The following PCSK5 variants were observed in gnomAD, a reference collection of about 807,000 sequenced individuals.
PCSK5 encodes the protein prohormone convertase 5.
In PCSK5, 129 loss-of-function variants were observed where a neutral mutation model predicts 233.2. The observed-to-expected ratio is 0.55, with a 90% confidence interval of 0.48 to 0.64. The LOEUF (loss-of-function observed/expected upper bound fraction) is 0.64, where lower values mean the gene tolerates loss of function less well. PCSK5 is among the 30% of genes least tolerant of loss of function. The pLI is 0.00. For missense variants in PCSK5, 2,076 were observed against 2,430.1 expected (o/e 0.85, Z 3.06); for synonymous variants, 825 against 879.2 (o/e 0.94, Z 1.09).
chr9:76,050,878 A>G (rs78876706), intron 5 of PCSK5, among the ~76,000 whole-genome samples: 6,763 of 147,968 alleles, frequency 0.046, 347 homozygotes, highest in East Asian at 0.26. Flanking sequence ...TCCCAGAACA[A>G]TTTTCTGCTC....
chr9:76,354,295 G>C (rs1192316576), intron 37 of PCSK5, 76 bp downstream of exon 37: 36 of 1,200,650 alleles, frequency 3.0e-5, no homozygotes, highest in Non-Finnish European at 4.6e-6. Flanking sequence ...GGGAGGGGGG[G>C]ATGGAAAGTT....
At chr9:76,215,946 T>TA (rs1461536582) in intron 20 of PCSK5, among the ~76,000 whole-genome samples, 1 of 118,450 alleles carries the variant, frequency 8.4e-6, no homozygotes, top group East Asian at 2.2e-4. Context: ...CTAAAAAAAT[T>TA]AAAAATTAAA....
At chr9:76,357,186 C>G (rs1830323366) in intron 37 of PCSK5, among the ~76,000 whole-genome samples, 1 of 152,180 alleles carries the variant, frequency 6.6e-6, no homozygotes, top group South Asian at 2.1e-4. Flanking sequence ...ATCAAGGCAT[C>G]AAAACAGAGG....
intron 20 of PCSK5, among the ~76,000 whole-genome samples, chr9:76,204,786 C>A (rs542022742): frequency 1.3e-5 from 2 of 152,056 alleles, no homozygotes; most frequent in Admixed American, 1.3e-4. Context: ...ATAAAAATAC[C>A]GTGGCACAGT....
intron 8 of PCSK5, among the ~76,000 whole-genome samples, chr9:76,103,674 A>G (rs894434981): frequency 2.0e-5 from 3 of 152,194 alleles, no homozygotes; most frequent in African/African-American, 7.2e-5. Context: ...GTGGAGTCCA[A>G]AAAACCATCT....
At chr9:76,329,524 A>G (rs1193666169) in intron 33 of PCSK5, among the ~76,000 whole-genome samples, 1 of 151,918 alleles carries the variant, frequency 6.6e-6, no homozygotes, top group East Asian at 1.9e-4. Flanking sequence ...TTCTTTCACA[A>G]TATCAATGCT....
At chr9:76,141,857 C>A in intron 10 of PCSK5, among the ~76,000 whole-genome samples, 1 of 152,078 alleles carries the variant, frequency 6.6e-6, no homozygotes, top group Admixed American at 6.6e-5. Flanking sequence ...AGGCCATTAT[C>A]CTTAGCAAAC....
At chr9:75,901,916 T>C (rs1039221645) in intron 1 of PCSK5, among the ~76,000 whole-genome samples, 4 of 151,934 alleles carry the variant, frequency 2.6e-5, no homozygotes. Context: ...GAGCCTGAGA[T>C]TAGAAAAGGA....
chr9:75,903,308 T>A (rs1414783846), intron 1 of PCSK5, among the ~76,000 whole-genome samples: 1 of 152,034 alleles, frequency 6.6e-6, no homozygotes, highest in African/African-American at 2.4e-5. Context: ...TTGTTTACAT[T>A]TGTATGGTAA....
chr9:76,273,941 C>G (rs116517864), intron 24 of PCSK5, among the ~76,000 whole-genome samples: 1,714 of 151,324 alleles, frequency 0.011, 29 homozygotes, highest in African/African-American at 0.04. Flanking sequence ...AGCCACTGTG[C>G]CCAGCCAGAT....
chr9:76,189,421 C>T (rs1414081927), intron 19 of PCSK5, among the ~76,000 whole-genome samples, 198 bp downstream of exon 19: 1 of 152,162 alleles, frequency 6.6e-6, no homozygotes, highest in East Asian at 1.9e-4. Flanking sequence ...ACCTTAAAAC[C>T]TTTAATATTT....
chr9:76,130,056 A>G (rs1171095224), intron 9 of PCSK5, among the ~76,000 whole-genome samples: 1 of 152,164 alleles, frequency 6.6e-6, no homozygotes, highest in Non-Finnish European at 1.5e-5. Flanking sequence ...CAATAATGGT[A>G]TGCAATAATA....
At chr9:76,088,382 C>G (rs923286222) in intron 7 of PCSK5, among the ~76,000 whole-genome samples, 1 of 152,158 alleles carries the variant, frequency 6.6e-6, no homozygotes, top group Non-Finnish European at 1.5e-5. Flanking sequence ...ACTCAAATCA[C>G]CAAATAAATA....
At chr9:76,208,370 G>A (rs904990823) in intron 20 of PCSK5, among the ~76,000 whole-genome samples, 4 of 152,114 alleles carry the variant, frequency 2.6e-5, no homozygotes, top group Non-Finnish European at 5.9e-5. Context: ...GTTTAAAGAG[G>A]CCCTTCTCAG....
intron 20 of PCSK5, among the ~76,000 whole-genome samples, chr9:76,227,277 C>T (rs959589141): frequency 2.6e-5 from 4 of 152,152 alleles, no homozygotes; most frequent in African/African-American, 4.8e-5. Context: ...TATGTCATTG[C>T]CTCATAACTT....
chr9:75,939,885 G>A (rs1291446170), intron 2 of PCSK5, among the ~76,000 whole-genome samples: 1 of 152,146 alleles, frequency 6.6e-6, no homozygotes, highest in African/African-American at 2.4e-5. Flanking sequence ...CCTCCGATGA[G>A]TAAGCAATGG....
rs71372046 is a variant in PCSK5 at position 76,097,246 on chromosome 9, C to CTTTTTTTTTTTTTTT, written c.1107+1154_1107+1168dup. 3.0e-5 allele frequency among the ~76,000 whole-genome samples: 2 copies of CTTTTTTTTTTTTTTT among 67,328 alleles called. 1 individual carries two copies. The highest frequency in any genetic ancestry group is 5.0e-5 in the Non-Finnish European group (2 of 40,038). The allele number at this position is 67,328 out of a possible 152,430, so 44.2% of individuals were successfully genotyped here. ...CCGCGCCCAGCCAAAAAGTGCATTT[C>CTTTTTTTTTTTTTTT]TTTTTTTTTTTTTTTTTTTTTTTTG... On this transcript the variant is annotated intron_variant, in intron 8 of 37. Coordinates refer to ENST00000674117, the MANE Select transcript of PCSK5 (RefSeq NM_001372043.1).
chr9:75,960,342 C>A (rs962802394), intron 2 of PCSK5, among the ~76,000 whole-genome samples: 2 of 152,178 alleles, frequency 1.3e-5, no homozygotes, highest in Non-Finnish European at 2.9e-5. Context: ...TTGAAACAAC[C>A]AGAGGTCAGG....
At chr9:76,343,286 TC>T (rs1170912660) in intron 35 of PCSK5, among the ~76,000 whole-genome samples, 4 of 150,644 alleles carry the variant, frequency 2.7e-5, no homozygotes, top group Non-Finnish European at 5.9e-5. Flanking sequence ...TGAACCAGCC[TC>T]CCAAGTAACT....
Sources: gnomAD v4.1 joint callset for allele counts (sites outside exome capture counted in the v4.1 genomes callset) on GRCh38, gnomAD v4.1.1 for gene constraint, MANE v1.5 for transcripts, NCBI Gene and HGNC (gene_info 2026-07-23, HGNC 2026-07-21) for gene names.